USP40: variants seen among roughly 807,000 people sequenced by gnomAD.
USP40 encodes the protein ubiquitin specific peptidase 40, also known as ubiquitin carboxyl-terminal hydrolase 40.
Under a neutral mutation model 166.2 loss-of-function variants are expected in USP40, and 143 were observed. That is an observed-to-expected ratio of 0.86 (90% CI 0.75 to 0.99). The LOEUF (loss-of-function observed/expected upper bound fraction) is 0.99, where lower values mean the gene tolerates loss of function less well. USP40 is among the 50% of genes least tolerant of loss of function. The probability of loss-of-function intolerance (pLI) is 0.00; values close to 1 mark genes in which losing one functional copy is unlikely to be tolerated. For synonymous variants in USP40, 498 were observed against 524.0 expected (o/e 0.95, Z 0.68); for missense variants, 1,444 against 1,479.7 (o/e 0.98, Z 0.40).
chr2:233,487,833 A>G (rs894905563), intron 28 of USP40: 1 of 406,780 alleles, frequency 2.5e-6, no homozygotes, highest in Non-Finnish European at 5.0e-6. Flanking sequence ...TAACAAATAA[A>G]TCAGTAAGTA....
chr2:233,547,782 C>T (rs1475031907), intron 8 of USP40, among the ~76,000 whole-genome samples: 1 of 152,136 alleles, frequency 6.6e-6, no homozygotes. Flanking sequence ...ATCTTGTGCA[C>T]ATATGAAGAC....
In USP40 at chr2:233,507,394, T is replaced by C. The variant is rs567178033; in HGVS notation, c.2613+2655A>G. Among the ~76,000 whole-genome samples, 222 of 152,274 alleles carry C rather than the reference T, an allele frequency of 1.5e-3. 2 individuals carry two copies. Among genetic ancestry groups the C allele is most frequent in the African/African-American group, 5.2e-3 (214 of 41,552 alleles). ...ACTCCCATGTTTAATGGAGCATTAT[T>C]TACAATCGCCAAGATATCAAATCAA... On this transcript the variant is annotated intron_variant, in intron 21 of 31. Transcript: ENST00000678225.
chr2:233,488,176 T>C (rs2065068461), intron 28 of USP40, 63 bp downstream of exon 28: 1 of 1,445,076 alleles, frequency 6.9e-7, no homozygotes, highest in East Asian at 2.4e-5. Flanking sequence ...TGTTAAAGCT[T>C]CAAAAGGCAA....
At chr2:233,541,052 G>C (rs2069362301) in intron 9 of USP40, among the ~76,000 whole-genome samples, 1 of 152,074 alleles carries the variant, frequency 6.6e-6, no homozygotes, top group Non-Finnish European at 1.5e-5. Flanking sequence ...ACATTAAAAA[G>C]GAATTTTCCA....
intron 21 of USP40, among the ~76,000 whole-genome samples, chr2:233,509,658 T>C (rs1009098886): frequency 6.6e-6 from 1 of 151,784 alleles, no homozygotes; most frequent in Admixed American, 6.6e-5. Flanking sequence ...CTGGCTAACA[T>C]GGAGAAACCC....
At chr2:233,506,777 A>T (rs1338614591) in intron 21 of USP40, among the ~76,000 whole-genome samples, 2 of 150,604 alleles carry the variant, frequency 1.3e-5, no homozygotes, top group African/African-American at 4.9e-5. Context: ...TGGGCATAGT[A>T]GCATATACCT....
intron 10 of USP40, among the ~76,000 whole-genome samples, 152 bp from the exon 11 acceptor site, chr2:233,533,931 A>G (rs2068746502): frequency 2.0e-5 from 3 of 152,218 alleles, no homozygotes; most frequent in Non-Finnish European, 4.4e-5. Flanking sequence ...CCATCTAGGT[A>G]TCATAAAACA....
intron 19 of USP40, 65 bp downstream of exon 19, chr2:233,512,504 C>A: frequency 9.0e-7 from 1 of 1,116,966 alleles, no homozygotes; most frequent in South Asian, 1.7e-5. Context: ...GTATTGGAGG[C>A]CACTATTTAT....
At chr2:233,555,960 CA>C (rs758478050) in intron 5 of USP40, among the ~76,000 whole-genome samples, 1 of 151,342 alleles carries the variant, frequency 6.6e-6, no homozygotes, top group Non-Finnish European at 1.5e-5. Flanking sequence ...TAAAAAAATA[CA>C]AAAAATTAGC....
intron 21 of USP40, among the ~76,000 whole-genome samples, chr2:233,502,010 T>G (rs1008621901): frequency 2.0e-5 from 3 of 152,176 alleles, no homozygotes; most frequent in African/African-American, 7.2e-5. Context: ...TTTCAAAGAA[T>G]AGAGTCATCA....
At chr2:233,534,720 TATC>T (rs1381795079) in intron 10 of USP40, among the ~76,000 whole-genome samples, 2 of 152,208 alleles carry the variant, frequency 1.3e-5, no homozygotes, top group Non-Finnish European at 2.9e-5. Flanking sequence ...TACAAAAAAG[TATC>T]AACAACTTGA....
intron 7 of USP40, among the ~76,000 whole-genome samples, chr2:233,550,167 AAAATATTAAACTTTTT>A (rs2070421744): frequency 6.6e-6 from 1 of 152,144 alleles, no homozygotes; most frequent in South Asian, 2.1e-4. Context: ...TTATTTGCTT[AAAATATTAAACTTTTT>A]AAGTGGGCAG....
chr2:233,490,317 C>T (rs550998392), intron 26 of USP40, among the ~76,000 whole-genome samples: 4 of 151,734 alleles, frequency 2.6e-5, no homozygotes, highest in South Asian at 2.1e-4. Context: ...TGCCTGCCAC[C>T]GTGCCAGGTG....
chr2:233,530,594 G>T (rs1354397836), intron 11 of USP40, among the ~76,000 whole-genome samples: 1 of 152,152 alleles, frequency 6.6e-6, no homozygotes, highest in Admixed American at 6.5e-5. Flanking sequence ...AGCTCTGGAG[G>T]AAATGTCACC....
intron 18 of USP40, among the ~76,000 whole-genome samples, chr2:233,516,564 T>C (rs575395045): frequency 1.3e-5 from 2 of 151,968 alleles, no homozygotes; most frequent in South Asian, 4.2e-4. Flanking sequence ...GGCGGGCACC[T>C]GTAGTCCCAG....
intron 26 of USP40, among the ~76,000 whole-genome samples, chr2:233,490,520 C>T (rs1305874089): frequency 2.0e-5 from 3 of 152,112 alleles, no homozygotes; most frequent in Non-Finnish European, 2.9e-5. Flanking sequence ...TGAGGGCGCA[C>T]AAAAGCCAAA....
rs769012837 is a variant in USP40 at position 233,525,549 on chromosome 2, C to A, written c.1739G>T (p.Trp580Leu). 2 of 1,611,902 alleles carry A rather than the reference C, an allele frequency of 1.2e-6. No homozygotes were observed. The highest frequency in any genetic ancestry group is 1.3e-5 in the African/African-American group (1 of 74,960). Reference protein sequence around the residue: ...RQSIFQLLEFWEGDMVLSVAK... With the variant: ...RQSIFQLLEFLEGDMVLSVAK... ...AACACTAAGAACCATGTCTCCTTCC[C>A]AAAATTCTAACAGCTGAAGAATATT... The change falls in exon 14 of 32, where the codon TGG (tryptophan) becomes TTG (leucine). Residue 580 changes from tryptophan (W) to leucine (L), a missense_variant. By Grantham distance (61) the Trp-to-Leu change is moderately conservative. Coordinates refer to ENST00000678225, the MANE Select transcript of USP40 (RefSeq NM_001365479.2).
Position 233,499,358 on chromosome 2 carries a change from C to A in USP40, c.2650+521G>T, listed in dbSNP as rs183714089. ...ATGATCTCATTCCTTTCTATGGCTG[C>A]ACAGTATTCCATGGTATATATGTAC... On this transcript the variant is annotated intron_variant, in intron 22 of 31. Coordinates refer to ENST00000678225, the MANE Select transcript of USP40 (RefSeq NM_001365479.2). Among the ~76,000 whole-genome samples, 32 of 152,282 alleles carry A rather than the reference C, an allele frequency of 2.1e-4. No homozygotes were observed. The East Asian group carries it at 3.3e-3, about 16-fold the overall frequency.
intron 8 of USP40, among the ~76,000 whole-genome samples, chr2:233,544,441 C>A (rs2069712239): frequency 6.6e-6 from 1 of 152,168 alleles, no homozygotes; most frequent in Non-Finnish European, 1.5e-5. Context: ...GGTGACTGAA[C>A]TCAATTTCCT....
Sources: allele counts gnomAD v4.1 joint callset (sites outside exome capture counted in the v4.1 genomes callset), GRCh38; gene constraint gnomAD v4.1.1; transcripts MANE v1.5; gene names NCBI Gene and HGNC (gene_info 2026-07-23, HGNC 2026-07-21).